RBBP8: variants seen among roughly 807,000 people sequenced by gnomAD.
The protein encoded by RBBP8 is RB binding protein 8, endonuclease, also known as DNA endonuclease RBBP8.
Under a neutral mutation model 108.3 loss-of-function variants are expected in RBBP8, and 88 were observed. The ratio of observed to expected loss-of-function variants is 0.81; its 90% CI spans 0.68 to 0.97. The LOEUF is 0.97. RBBP8 is among the 50% of genes least tolerant of loss of function. RBBP8 has a pLI of 0.00. For missense variants in RBBP8, 1,023 were observed against 1,049.0 expected (o/e 0.98, Z 0.34); for synonymous variants, 332 against 348.2 (o/e 0.95, Z 0.52).
intron 6 of RBBP8, among the ~76,000 whole-genome samples, chr18:22,977,450 A>T (rs1914574474): frequency 6.6e-6 from 1 of 152,012 alleles, no homozygotes. Flanking sequence ...TATTCAGTAA[A>T]ATTTTGCCAC....
intron 2 of RBBP8, among the ~76,000 whole-genome samples, chr18:22,916,496 C>A (rs530910459): frequency 6.6e-6 from 1 of 151,876 alleles, no homozygotes; most frequent in Non-Finnish European, 1.5e-5. Context: ...TTTTTCACTA[C>A]CCTACATTGA....
chr18:22,986,323 TAGAATTGAC>T lies in RBBP8; in HGVS notation c.709+1334_709+1342del, dbSNP rs536131769. On this transcript the variant is annotated intron_variant, in intron 8 of 18. Coordinates refer to ENST00000327155, the MANE Select transcript of RBBP8 (RefSeq NM_002894.3). ...TAAGTCAAGTAAGATGAAGACTTCT[TAGAATTGAC>T]CATGAGATTTGGTTGCATGTAGATC... is the stretch of plus-strand genomic sequence containing the variant. Among the ~76,000 whole-genome samples, 7 of 152,290 alleles carry T rather than the reference TAGAATTGAC, an allele frequency of 4.6e-5. No homozygotes were observed. In the East Asian group the frequency reaches 1.4e-3, roughly 29 times the overall value.
chr18:22,926,558 T>A (rs189366763), intron 3 of RBBP8, among the ~76,000 whole-genome samples: 1 of 152,238 alleles, frequency 6.6e-6, no homozygotes, highest in Non-Finnish European at 1.5e-5. Flanking sequence ...TATAAAGAGA[T>A]AGTTCCTAAA....
intron 14 of RBBP8, 147 bp downstream of exon 14, chr18:22,997,881 G>A: frequency 3.0e-6 from 2 of 676,616 alleles, no homozygotes; most frequent in South Asian, 1.7e-5. Flanking sequence ...TCTTAGGAAA[G>A]CTCAGTTTCA....
intron 16 of RBBP8, among the ~76,000 whole-genome samples, chr18:23,012,097 T>C (rs540798674): frequency 1.3e-5 from 2 of 149,286 alleles, no homozygotes; most frequent in South Asian, 2.1e-4. Flanking sequence ...CCAACTGTTA[T>C]ACTGCGGGAG....
intron 4 of RBBP8, among the ~76,000 whole-genome samples, chr18:22,960,193 G>A (rs1220413290): frequency 1.3e-5 from 2 of 151,912 alleles, no homozygotes; most frequent in South Asian, 2.1e-4. Flanking sequence ...ACACCTGGCC[G>A]AACTTTACTA....
At position 22,980,965 on chromosome 18, in the gene RBBP8, CTTTTTTTTTTT is replaced by C. The variant is rs1167377654; in HGVS notation, c.429-1238_429-1228del. Among the ~76,000 whole-genome samples the C allele has an allele frequency of 3.5e-4, 24 of 69,498 alleles. 2 individuals are homozygous for C. Among genetic ancestry groups the C allele is most frequent in the Admixed American group, 1.3e-3 (5 of 3,862 alleles). 45.6% of individuals were successfully genotyped at this position (69,498 alleles called of 152,430 possible). A position where few individuals can be genotyped will look rare whatever the true frequency, so the allele number is the denominator to read the frequency against. On this transcript the variant is annotated intron_variant, in intron 6 of 18. Coordinates refer to ENST00000327155, the MANE Select transcript of RBBP8 (RefSeq NM_002894.3). ...AATTGTAGGTGTGAGCCACTTATGTCTTTTTTTTTTTTTTTTTTTTTTTTTGAGACGGAGTC... is the reference window on the plus strand; with the variant it reads ...AATTGTAGGTGTGAGCCACTTATGTCTTTTTTTTTTTTTTGAGACGGAGTC...
chr18:22,970,106 T>C (rs62095203), intron 5 of RBBP8, among the ~76,000 whole-genome samples: 1 of 152,120 alleles, frequency 6.6e-6, no homozygotes, highest in Admixed American at 6.5e-5. Flanking sequence ...AGATTCCTTA[T>C]AATACCAAAT....
Position 23,013,684 on chromosome 18 carries a change from T to C in RBBP8, c.2358-3144T>C, listed in dbSNP as rs550696997. ...TTGGGAAGGAGCTGATAATCATCTT[T>C]GTTTTAAAATAACCTCGTGGCTAAT... On this transcript the variant is annotated intron_variant, in intron 16 of 18. Transcript: ENST00000327155. 3.2e-4 allele frequency among the ~76,000 whole-genome samples: 48 copies of C among 152,328 alleles called. 1 individual carries two copies. The highest frequency in any genetic ancestry group is 1.1e-3 in the African/African-American group (47 of 41,580).
intron 3 of RBBP8, among the ~76,000 whole-genome samples, chr18:22,921,540 C>T (rs1171183188): frequency 6.6e-6 from 1 of 152,196 alleles, no homozygotes; most frequent in Non-Finnish European, 1.5e-5. Context: ...GGGCCCAAGA[C>T]GTGTCCGATA....
rs1039571264 is a variant in RBBP8 at position 22,986,673 on chromosome 18, C to G, written c.709+1683C>G. On this transcript the variant is annotated intron_variant, in intron 8 of 18. Coordinates refer to ENST00000327155, the MANE Select transcript of RBBP8 (RefSeq NM_002894.3). ...AGAAAGAGGGAACAATTGCTACATC[C>G]TTAAAAAGGTCAGAGGAGATGAGAT... Among the ~76,000 whole-genome samples, 3 of 152,186 alleles carry G rather than the reference C, an allele frequency of 2.0e-5. No individual in the cohort carries two copies. In the South Asian group the frequency reaches 6.2e-4, roughly 32 times the overall value.
intron 4 of RBBP8, 53 bp downstream of exon 4, chr18:22,949,766 A>G (rs1340854524): frequency 1.1e-5 from 15 of 1,309,960 alleles, no homozygotes; most frequent in Non-Finnish European, 1.7e-5. Flanking sequence ...CATAATAAGA[A>G]GTACATTGAC....
intron 5 of RBBP8, 78 bp from the exon 6 acceptor site, chr18:22,975,075 G>T: frequency 6.9e-7 from 1 of 1,454,156 alleles, no homozygotes; most frequent in South Asian, 1.3e-5. Context: ...CATACATGCT[G>T]ACATATTTTA....
chr18:23,022,112 C>A lies in RBBP8; in HGVS notation c.2455-17C>A, dbSNP rs1044357188. On this transcript the variant is annotated splice_polypyrimidine_tract_variant and intron_variant, in intron 17 of 18. Coordinates refer to ENST00000327155, the MANE Select transcript of RBBP8 (RefSeq NM_002894.3). ...TATTATTCTTTAGTGAAAAAACTTA[C>A]CAGTTTTTATTATTAGTATTATGCA... 1.9e-6 allele frequency: 3 copies of A among 1,571,562 alleles called. No individual in the cohort carries two copies. Among genetic ancestry groups the A allele is most frequent in the South Asian group, 2.2e-5 (2 of 90,070 alleles).
In RBBP8 at chr18:22,993,433, C is replaced by T. The variant is rs996855677; in HGVS notation, c.1606C>T (p.Arg536Cys). Residue 536 changes from arginine (R) to cysteine (C), a missense_variant, in exon 11 of 19, where the codon CGT (arginine) becomes TGT (cysteine). Physicochemically the swap from Arg to Cys is radical, Grantham distance 180. Coordinates refer to ENST00000327155, the MANE Select transcript of RBBP8 (RefSeq NM_002894.3). ...KTIPKGFSSS[R>C]KASDGNCTLP... Reference sequence around the variant, plus strand: ...CATTCCAAAGGGCTTTTCCTCAAGCCGTAAGGCCTCAGATGGCAACTGCAC... The same window carrying T: ...CATTCCAAAGGGCTTTTCCTCAAGCTGTAAGGCCTCAGATGGCAACTGCAC... 3.1e-6 allele frequency: 5 copies of T among 1,614,106 alleles called. No homozygotes were observed. The highest frequency in any genetic ancestry group is 1.7e-5 in the Admixed American group (1 of 60,010).
At chr18:22,935,287 G>A (rs1320998021) in intron 1 of RBBP8, among the ~76,000 whole-genome samples, 3 of 139,050 alleles carry the variant, frequency 2.2e-5, no homozygotes, top group African/African-American at 7.9e-5. Flanking sequence ...ATTTTTGTTT[G>A]TTTTTGCTGG....
At chr18:22,996,234 T>G in intron 12 of RBBP8, 140 bp from the exon 13 acceptor site, 1 of 1,365,292 alleles carries the variant, frequency 7.3e-7, no homozygotes, top group Non-Finnish European at 9.7e-7. Flanking sequence ...GTGAGAGTTC[T>G]TTATATATCT....
intron 3 of RBBP8, among the ~76,000 whole-genome samples, chr18:22,923,124 T>C (rs901136456): frequency 1.3e-5 from 2 of 152,256 alleles, no homozygotes; most frequent in East Asian, 3.9e-4. Flanking sequence ...TCTTACATTG[T>C]TACAGTTTCT....
chr18:22,933,041 G>A (rs987301496), upstream of RBBP8, among the ~76,000 whole-genome samples: 1 of 152,208 alleles, frequency 6.6e-6, no homozygotes, highest in African/African-American at 2.4e-5. Flanking sequence ...ATGCTTCCCT[G>A]CAAAATGCTT....
Sources: gnomAD v4.1 joint callset for allele counts (sites outside exome capture counted in the v4.1 genomes callset) on GRCh38, gnomAD v4.1.1 for gene constraint, MANE v1.5 for transcripts, NCBI Gene and HGNC (gene_info 2026-07-23, HGNC 2026-07-21) for gene names.